The following TNPO3 variants were observed in gnomAD, a reference collection of about 807,000 sequenced individuals.
TNPO3 encodes transportin-3.
In TNPO3, 65 loss-of-function variants were observed where a neutral mutation model predicts 122.8. That is an observed-to-expected ratio of 0.53 (90% confidence interval 0.43 to 0.65). The LOEUF (loss-of-function observed/expected upper bound fraction) is 0.65. TNPO3 is among the 30% of genes least tolerant of loss of function. The pLI is 0.00. For missense variants in TNPO3, 850 were observed against 1,136.7 expected (o/e 0.75, Z 3.63); for synonymous variants, 372 against 411.2 (o/e 0.90, Z 1.15).
At chr7:129,013,527 T>C (rs1308725288) in intron 4 of TNPO3, among the ~76,000 whole-genome samples, 1 of 151,932 alleles carries the variant, frequency 6.6e-6, no homozygotes, top group African/African-American at 2.4e-5. Context: ...CTCTGGAATG[T>C]AAAGCAGTAC....
chr7:129,034,385 G>T (rs1806316041), intron 1 of TNPO3, among the ~76,000 whole-genome samples: 2 of 152,072 alleles, frequency 1.3e-5, no homozygotes, highest in Middle Eastern at 6.9e-3. Flanking sequence ...CCCAGCTACT[G>T]GGGGGTGTGG....
At chr7:129,003,813 A>G (rs534909452) in intron 5 of TNPO3, among the ~76,000 whole-genome samples, 4 of 152,342 alleles carry the variant, frequency 2.6e-5, no homozygotes, top group Non-Finnish European at 4.4e-5. Flanking sequence ...TCAGTAGAGG[A>G]GATAATATAA....
chr7:128,965,442 C>G (rs756541119), intron 21 of TNPO3, among the ~76,000 whole-genome samples: 22 of 152,096 alleles, frequency 1.4e-4, no homozygotes, highest in Non-Finnish European at 2.9e-4. Context: ...CAGAAAATAA[C>G]AAGTGTTGGT....
intron 1 of TNPO3, chr7:129,029,146 G>T: frequency 4.9e-6 from 1 of 203,190 alleles, no homozygotes; most frequent in South Asian, 7.8e-5. Flanking sequence ...CTGCCATCGG[G>T]ACAGGATTTG....
intron 11 of TNPO3, 124 bp downstream of exon 11, chr7:128,989,837 T>C: frequency 9.5e-7 from 1 of 1,058,154 alleles, no homozygotes; most frequent in Non-Finnish European, 1.4e-6. Flanking sequence ...TTGTTTACTC[T>C]CAGTTTCTAT....
intron 1 of TNPO3, chr7:129,041,460 G>T: frequency 1.3e-6 from 1 of 784,804 alleles, no homozygotes; most frequent in South Asian, 5.8e-5. Flanking sequence ...ATTGCTCATT[G>T]TTCTTCCCCT....
At chr7:129,020,074 G>A (rs1290094530) in intron 1 of TNPO3, among the ~76,000 whole-genome samples, 2 of 151,954 alleles carry the variant, frequency 1.3e-5, no homozygotes, top group Non-Finnish European at 2.9e-5. Context: ...ATGCTGAGGC[G>A]AGAGGATCAC....
intron 21 of TNPO3, among the ~76,000 whole-genome samples, chr7:128,958,931 G>T (rs1797173718): frequency 1.3e-5 from 2 of 152,194 alleles, no homozygotes; most frequent in African/African-American, 4.8e-5. Context: ...CTGAGCTGGG[G>T]AGGTTGAGGT....
intron 12 of TNPO3, 82 bp downstream of exon 12, chr7:128,986,647 A>C: frequency 1.5e-6 from 2 of 1,352,370 alleles, no homozygotes. Flanking sequence ...ATTGCAACTG[A>C]AAAACTGGGA....
At chr7:129,038,636 A>G (rs1806992631) in intron 1 of TNPO3, among the ~76,000 whole-genome samples, 1 of 152,216 alleles carries the variant, frequency 6.6e-6, no homozygotes, top group Non-Finnish European at 1.5e-5. Flanking sequence ...TGCACCATGG[A>G]ATACTATGCA....
chr7:129,025,665 G>A (rs185482151), intron 1 of TNPO3, among the ~76,000 whole-genome samples: 1 of 149,184 alleles, frequency 6.7e-6, no homozygotes, highest in African/African-American at 2.5e-5. Flanking sequence ...CTCTTGCCTG[G>A]GTCTCCCAAA....
At chr7:129,017,829 C>T (rs1804016370) in intron 2 of TNPO3, 128 bp downstream of exon 2, 1 of 934,532 alleles carries the variant, frequency 1.1e-6, no homozygotes, top group Admixed American at 2.7e-5. Context: ...TATCCACTTA[C>T]AAGAACATAG....
intron 21 of TNPO3, among the ~76,000 whole-genome samples, chr7:128,965,208 C>G (rs569851936): frequency 6.6e-4 from 100 of 152,182 alleles, no homozygotes; most frequent in Middle Eastern, 3.4e-3. Flanking sequence ...ATTAATATCC[C>G]AAATATAAAA....
chr7:129,015,222 C>A, intron 3 of TNPO3, 87 bp from the exon 4 acceptor site: 2 of 1,303,136 alleles, frequency 1.5e-6, no homozygotes, highest in East Asian at 2.5e-5. Flanking sequence ...TAACTCACAA[C>A]AACAAAAGCA....
chr7:128,957,383 A>G, intron 21 of TNPO3, 68 bp from the exon 22 acceptor site: 1 of 1,516,112 alleles, frequency 6.6e-7, no homozygotes, highest in Non-Finnish European at 9.1e-7. Context: ...AAACAACTGC[A>G]ACATTGGGGC....
chr7:128,986,697 G>T (rs1422368775), intron 12 of TNPO3, 32 bp downstream of exon 12: 2 of 1,569,438 alleles, frequency 1.3e-6, no homozygotes, highest in Non-Finnish European at 1.7e-6. Context: ...TGGCTTTGAG[G>T]TGACTATTAG....
Position 128,982,384 on chromosome 7 carries a change from C to A in TNPO3, c.1783-60G>T, listed in dbSNP as rs71581950. 6.5e-3 allele frequency: 9,072 copies of A among 1,392,058 alleles called. 44 individuals carry two copies. Among genetic ancestry groups the A allele is most frequent in the Non-Finnish European group, 8.4e-3 (8,275 of 984,362 alleles). The allele number at this position is 1,392,058 out of a possible 1,614,324, so 86.2% of individuals were successfully genotyped here. ...CACATGTACAAATCTACAGCCAACA[C>A]TGCAACATACATCAACCTTTGTCTC... On this transcript the variant is annotated intron_variant, in intron 13 of 22. Transcript: ENST00000265388.
chr7:129,052,232 C>T (rs1367856038), intron 1 of TNPO3, among the ~76,000 whole-genome samples: 5 of 152,194 alleles, frequency 3.3e-5, no homozygotes, highest in Non-Finnish European at 7.3e-5. Context: ...TGGGGAATCC[C>T]AGCAAGAAAT....
At chr7:129,027,123 C>CT (rs907770943) in intron 1 of TNPO3, among the ~76,000 whole-genome samples, 6 of 152,070 alleles carry the variant, frequency 3.9e-5, no homozygotes, top group South Asian at 2.1e-4. Flanking sequence ...GGTAGCAAAG[C>CT]TTTTTTAACA....
Sources: gnomAD v4.1 joint callset for allele counts (sites outside exome capture counted in the v4.1 genomes callset) on GRCh38, gnomAD v4.1.1 for gene constraint, MANE v1.5 for transcripts, NCBI Gene and HGNC (gene_info 2026-07-23, HGNC 2026-07-21) for gene names.